Variants in MGAT4C observed in about 807,000 individuals in gnomAD.
MGAT4C encodes MGAT4 family member C, also known as alpha-1,3-mannosyl-glycoprotein 4-beta-N-acetylglucosaminyltransferase C.
A neutral mutation model predicts 40.1 loss-of-function variants in MGAT4C; 19 were observed. The ratio of observed to expected loss-of-function variants is 0.47; its 90% CI spans 0.33 to 0.70. MGAT4C has a LOEUF of 0.70. Ranked by LOEUF, MGAT4C falls within the 30% of genes least tolerant of loss-of-function variation. The pLI is 0.02. For missense variants in MGAT4C, 491 were observed against 563.2 expected (o/e 0.87, Z 1.30); for synonymous variants, 181 against 187.1 (o/e 0.97, Z 0.27).
upstream of MGAT4C, among the ~76,000 whole-genome samples, chr12:86,258,417 G>C (rs113255144): frequency 3.9e-3 from 591 of 151,578 alleles, 4 homozygotes; most frequent in African/African-American, 0.014. Flanking sequence ...TATTTGTTTT[G>C]CATTTGTTTG....
chr12:86,143,463 C>T (rs552198051), intron 1 of MGAT4C, among the ~76,000 whole-genome samples: 73 of 152,154 alleles, frequency 4.8e-4, no homozygotes, highest in African/African-American at 1.7e-3. Flanking sequence ...AAACAACAGT[C>T]TATGACAATG....
chr12:85,991,615 G>A (rs1885952393), intron 2 of MGAT4C, among the ~76,000 whole-genome samples: 1 of 152,168 alleles, frequency 6.6e-6, no homozygotes, highest in Non-Finnish European at 1.5e-5. Flanking sequence ...AAAGCCTGGA[G>A]GGTGCTGAGA....
intron 2 of MGAT4C, among the ~76,000 whole-genome samples, chr12:86,505,567 GA>G (rs1300045928): frequency 3.9e-5 from 6 of 152,082 alleles, no homozygotes; most frequent in Non-Finnish European, 7.4e-5. Flanking sequence ...TTTCCATGTG[GA>G]ATATCTATAA....
At chr12:86,803,313 T>G (rs933149830) in intron 1 of MGAT4C, among the ~76,000 whole-genome samples, 1 of 151,448 alleles carries the variant, frequency 6.6e-6, no homozygotes, top group South Asian at 2.1e-4. Flanking sequence ...ATAAAAACCC[T>G]AGAAGAAAAC....
chr12:86,742,148 T>C (rs567266728), intron 1 of MGAT4C, among the ~76,000 whole-genome samples: 1 of 151,530 alleles, frequency 6.6e-6, no homozygotes, highest in African/African-American at 2.4e-5. Context: ...TCATATATTA[T>C]TTACCTCACA....
At chr12:86,552,550 A>G (rs1959418079) in intron 2 of MGAT4C, among the ~76,000 whole-genome samples, 1 of 152,144 alleles carries the variant, frequency 6.6e-6, no homozygotes, top group South Asian at 2.1e-4. Flanking sequence ...CAAAGAAATA[A>G]TAAATGTTTG....
intron 2 of MGAT4C, among the ~76,000 whole-genome samples, chr12:86,639,533 A>T (rs1288904313): frequency 6.6e-6 from 1 of 151,748 alleles, no homozygotes; most frequent in Non-Finnish European, 1.5e-5. Context: ...AGGCAGCCAG[A>T]ACCATAAGAA....
chr12:86,382,308 A>G (rs1955949928), intron 3 of MGAT4C, among the ~76,000 whole-genome samples: 2 of 152,232 alleles, frequency 1.3e-5, no homozygotes, highest in Non-Finnish European at 2.9e-5. Context: ...CCCCTGCACT[A>G]GAGATTTGTG....
intron 4 of MGAT4C, among the ~76,000 whole-genome samples, chr12:86,267,740 C>A (rs989503731): frequency 6.6e-6 from 1 of 152,010 alleles, no homozygotes; most frequent in African/African-American, 2.4e-5. Flanking sequence ...TGAATAAATG[C>A]AGAGCAAAGA....
rs540072416 is a variant in MGAT4C at position 86,705,989 on chromosome 12, G to A, written c.-229+21220C>T. Among the ~76,000 whole-genome samples, 3 of 152,226 alleles carry A rather than the reference G, an allele frequency of 2.0e-5. No homozygotes were observed. The South Asian group carries it at 6.2e-4, about 32-fold the overall frequency. Reference sequence around the variant, plus strand: ...ATAGAATAAATGGATATAAGTAGAGGCAAGAGTCATTCAATTCATCACTGT... The same window carrying A: ...ATAGAATAAATGGATATAAGTAGAGACAAGAGTCATTCAATTCATCACTGT... On this transcript the variant is annotated intron_variant, in intron 2 of 7. Coordinates refer to the MGAT4C transcript ENST00000548651.
At chr12:86,307,968 G>C (rs1173242663) in intron 4 of MGAT4C, among the ~76,000 whole-genome samples, 2 of 150,652 alleles carry the variant, frequency 1.3e-5, no homozygotes, top group Admixed American at 1.3e-4. Flanking sequence ...CTCCCAAAGT[G>C]CTGGGATTAC....
chr12:86,463,396 C>T, intron 2 of MGAT4C, among the ~76,000 whole-genome samples: 1 of 152,234 alleles, frequency 6.6e-6, no homozygotes, highest in African/African-American at 2.4e-5. Flanking sequence ...TTGCAAGGCC[C>T]AAATTCTATT....
At chr12:86,467,490 T>A (rs1455875842) in intron 2 of MGAT4C, among the ~76,000 whole-genome samples, 2 of 152,128 alleles carry the variant, frequency 1.3e-5, no homozygotes, top group Non-Finnish European at 2.9e-5. Context: ...TGTAATAGCA[T>A]CCAGAGACTA....
At chr12:86,329,959 C>A (rs1954622826) in intron 4 of MGAT4C, among the ~76,000 whole-genome samples, 2 of 152,116 alleles carry the variant, frequency 1.3e-5, no homozygotes, top group African/African-American at 4.8e-5. Flanking sequence ...TAAACTATTT[C>A]AAAAGATATC....
intron 2 of MGAT4C, among the ~76,000 whole-genome samples, chr12:86,681,378 G>A (rs1593109521): frequency 6.6e-6 from 1 of 151,932 alleles, no homozygotes; most frequent in Non-Finnish European, 1.5e-5. Flanking sequence ...GGTGGACTAT[G>A]AGATTTTCCC....
intron 2 of MGAT4C, among the ~76,000 whole-genome samples, chr12:86,504,142 G>C (rs1958427662): frequency 6.6e-6 from 1 of 151,884 alleles, no homozygotes; most frequent in Admixed American, 6.6e-5. Context: ...TAAATCTTCA[G>C]AATGGCAAAA....
At chr12:86,532,534 G>A (rs1959002726) in intron 2 of MGAT4C, among the ~76,000 whole-genome samples, 1 of 151,968 alleles carries the variant, frequency 6.6e-6, no homozygotes, top group African/African-American at 2.4e-5. Context: ...ATGTTGGTGA[G>A]TTAAAAGGCA....
At chr12:86,692,291 A>G (rs1950185392) in intron 2 of MGAT4C, among the ~76,000 whole-genome samples, 1 of 152,194 alleles carries the variant, frequency 6.6e-6, no homozygotes, top group African/African-American at 2.4e-5. Context: ...ATTACAAAAA[A>G]TATCACAGTA....
intron 3 of MGAT4C, among the ~76,000 whole-genome samples, chr12:86,344,648 G>T (rs1954979341): frequency 6.6e-6 from 1 of 150,646 alleles, no homozygotes; most frequent in Non-Finnish European, 1.5e-5. Context: ...AGATTTAAAA[G>T]ACTTATTTAA....
Sources: allele counts gnomAD v4.1 joint callset (sites outside exome capture counted in the v4.1 genomes callset), GRCh38; gene constraint gnomAD v4.1.1; transcripts MANE v1.5; gene names NCBI Gene and HGNC (gene_info 2026-07-23, HGNC 2026-07-21).